The following SNX3 variants were observed in gnomAD, a reference collection of about 807,000 sequenced individuals.
SNX3 encodes sorting nexin-3.
A neutral mutation model predicts 17.7 loss-of-function variants in SNX3; 5 were observed. That is an observed-to-expected ratio of 0.28 (90% confidence interval 0.15 to 0.59). SNX3 has a LOEUF of 0.59. SNX3 is among the 20% of genes least tolerant of loss of function. The probability of loss-of-function intolerance (pLI) is 0.88; values close to 1 mark genes in which losing one functional copy is unlikely to be tolerated. For synonymous variants in SNX3, 91 were observed against 76.5 expected (o/e 1.19, Z -0.99); for missense variants, 132 against 206.8 (o/e 0.64, Z 2.22).
intron 1 of SNX3, among the ~76,000 whole-genome samples, chr6:108,235,666 T>C (rs1281633642): frequency 2.0e-5 from 3 of 152,016 alleles, no homozygotes; most frequent in African/African-American, 7.3e-5. Context: ...GATGCCGAGG[T>C]GGGTGAATCA....
chr6:108,230,046 A>G (rs1019058282), intron 1 of SNX3, among the ~76,000 whole-genome samples: 4 of 151,996 alleles, frequency 2.6e-5, no homozygotes, highest in African/African-American at 9.7e-5. Context: ...CTGCTTTGAA[A>G]TGTATGGACA....
rs199727762 is a variant in SNX3, at chr6:108,247,554, C to CA, written c.162+13205dup. Among the ~76,000 whole-genome samples the CA allele has an allele frequency of 6.8e-3, 1,019 of 149,346 alleles. 4 individuals are homozygous for CA. The highest frequency in any genetic ancestry group is 0.01 in the African/African-American group (418 of 40,764). ...AGATAATTAAAAAACAAAAAACAAACAAAAAAAAACAACGTTTAAGTCTCC... is the reference window on the plus strand; with the variant it reads ...AGATAATTAAAAAACAAAAAACAAACAAAAAAAAAACAACGTTTAAGTCTCC... On this transcript the variant is annotated intron_variant, in intron 1 of 3. Coordinates refer to ENST00000230085, the MANE Select transcript of SNX3 (RefSeq NM_003795.6).
chr6:108,223,446 G>A (rs947191124), intron 1 of SNX3, among the ~76,000 whole-genome samples: 1 of 143,088 alleles, frequency 7.0e-6, no homozygotes, highest in African/African-American at 2.7e-5. Context: ...CCGAAATCAT[G>A]ATGTTTTTAA....
intron 1 of SNX3, among the ~76,000 whole-genome samples, chr6:108,257,903 G>A (rs796485563): frequency 1.5e-4 from 23 of 152,174 alleles, no homozygotes; most frequent in African/African-American, 5.5e-4. Flanking sequence ...GGCAGAGGTT[G>A]CAGTGAGCCA....
chr6:108,219,159 G>A (rs1582470307), intron 2 of SNX3, among the ~76,000 whole-genome samples: 1 of 151,564 alleles, frequency 6.6e-6, no homozygotes, highest in Non-Finnish European at 1.5e-5. Flanking sequence ...AGACCGTCTT[G>A]CTAACACGGT....
At chr6:108,236,599 G>A (rs1440446180) in intron 1 of SNX3, among the ~76,000 whole-genome samples, 9 of 150,838 alleles carry the variant, frequency 6.0e-5, no homozygotes, top group East Asian at 5.8e-4. Flanking sequence ...TTTTTTAGCC[G>A]GGATGGTCTC....
At chr6:108,230,158 T>C (rs1451245203) in intron 1 of SNX3, among the ~76,000 whole-genome samples, 1 of 152,004 alleles carries the variant, frequency 6.6e-6, no homozygotes, top group Admixed American at 6.6e-5. Context: ...AATGCTGAAT[T>C]CTGAAATTAA....
intron 1 of SNX3, among the ~76,000 whole-genome samples, chr6:108,235,137 T>G (rs1259246077): frequency 6.6e-6 from 1 of 152,222 alleles, no homozygotes; most frequent in Non-Finnish European, 1.5e-5. Flanking sequence ...GGCTTGGCCA[T>G]GTGACTGCCT....
rs776893446 is a variant in SNX3, at chr6:108,222,327, TGA to T, written c.258+621_258+622del. On this transcript the variant is annotated intron_variant, in intron 2 of 3. Coordinates refer to ENST00000230085, the MANE Select transcript of SNX3 (RefSeq NM_003795.6). ...ATGTCATTCTGAGGCAGGGCTGAAA[TGA>T]GAGACACCAGAGTGAGACCTTGCTT... The T allele has an allele frequency of 9.2e-5, 120 of 1,303,858 alleles. 1 individual carries two copies. The highest frequency in any genetic ancestry group is 2.1e-4 in the South Asian group (17 of 81,030). 80.8% of individuals were successfully genotyped at this position (1,303,858 alleles called of 1,614,324 possible). A position where few individuals can be genotyped will look rare whatever the true frequency, so the allele number is the denominator to read the frequency against.
At chr6:108,242,979 G>T (rs756759712) in intron 1 of SNX3, among the ~76,000 whole-genome samples, 11 of 152,168 alleles carry the variant, frequency 7.2e-5, no homozygotes, top group East Asian at 1.9e-4. Context: ...AGGCAATTGT[G>T]AGACCCTGAG....
rs752829628 is a variant in SNX3 at position 108,260,862 on chromosome 6, G to A, written c.60C>T (p.Asp20=). The change falls in exon 1 of 4, where the codon GAC becomes GAT. Residue 20 remains aspartate (D), a synonymous_variant. Coordinates refer to ENST00000230085, the MANE Select transcript of SNX3 (RefSeq NM_003795.6). ...RLITKPQNLN[D]AYGPPSNFLE... Reference sequence around the variant, plus strand: ...GGAAGTTGCTGGGGGGTCCGTAGGCGTCATTCAGGTTCTGCGGCTTGGTGA... The same window carrying A: ...GGAAGTTGCTGGGGGGTCCGTAGGCATCATTCAGGTTCTGCGGCTTGGTGA... 2.5e-6 allele frequency: 4 copies of A among 1,612,756 alleles called. No individual in the cohort carries two copies. Among genetic ancestry groups the A allele is most frequent in the Non-Finnish European group, 3.4e-6 (4 of 1,179,428 alleles).
chr6:108,255,641 G>A (rs1047783798), intron 1 of SNX3, among the ~76,000 whole-genome samples: 2 of 152,086 alleles, frequency 1.3e-5, no homozygotes, highest in East Asian at 1.9e-4. Context: ...AGGAGCCACC[G>A]TGCCCGACCC....
intron 1 of SNX3, among the ~76,000 whole-genome samples, chr6:108,233,560 C>A (rs914659238): frequency 1.2e-4 from 18 of 152,086 alleles, no homozygotes; most frequent in Non-Finnish European, 2.6e-4. Flanking sequence ...ACCAGCCTGG[C>A]CAACACGGTG....
chr6:108,237,499 C>T (rs929162346), intron 1 of SNX3, among the ~76,000 whole-genome samples: 51 of 151,960 alleles, frequency 3.4e-4, no homozygotes, highest in African/African-American at 1.2e-3. Flanking sequence ...AAGAATCTAC[C>T]ATGAGGCCAG....
rs780700701 is a variant in SNX3, at chr6:108,222,330, G to A, written c.258+620C>T. 2.3e-6 allele frequency: 3 copies of A among 1,303,774 alleles called. No homozygotes were observed. In the African/African-American group the frequency reaches 4.6e-5, roughly 20 times the overall value. The allele number at this position is 1,303,774 out of a possible 1,614,324, so 80.8% of individuals were successfully genotyped here. ...TCATTCTGAGGCAGGGCTGAAATGA[G>A]AGACACCAGAGTGAGACCTTGCTTT... On this transcript the variant is annotated intron_variant, in intron 2 of 3. Coordinates refer to ENST00000230085, the MANE Select transcript of SNX3 (RefSeq NM_003795.6).
intron 1 of SNX3, among the ~76,000 whole-genome samples, chr6:108,241,310 C>T (rs748572006): frequency 1.7e-4 from 26 of 151,950 alleles, no homozygotes; most frequent in Non-Finnish European, 2.5e-4. Flanking sequence ...AAAGCTGGGG[C>T]GAACTTGTAA....
In SNX3 at chr6:108,248,590, G is replaced by C. The variant is rs149506348; in HGVS notation, c.162+12170C>G. Among the ~76,000 whole-genome samples, 831 of 152,274 alleles carry C rather than the reference G, an allele frequency of 5.5e-3. 5 individuals carry two copies. The highest frequency in any genetic ancestry group is 9.4e-3 in the Non-Finnish European group (638 of 68,006). On this transcript the variant is annotated intron_variant, in intron 1 of 3. Coordinates refer to ENST00000230085, the MANE Select transcript of SNX3 (RefSeq NM_003795.6). ...GAAAACTGAACAAATATCAATTATA[G>C]ATAAGAATCATGCTGAGGTCTAAAC... is the stretch of plus-strand genomic sequence containing the variant.
At chr6:108,241,652 T>A (rs570011304) in intron 1 of SNX3, among the ~76,000 whole-genome samples, 2 of 151,546 alleles carry the variant, frequency 1.3e-5, no homozygotes, top group Non-Finnish European at 2.9e-5. Context: ...CACCACCTCA[T>A]ACTACAGACT....
At chr6:108,251,582 C>T (rs1205720022) in intron 1 of SNX3, among the ~76,000 whole-genome samples, 2 of 152,158 alleles carry the variant, frequency 1.3e-5, no homozygotes, top group East Asian at 3.8e-4. Context: ...ATAGTCAAGC[C>T]ACAATACTAA....
Sources: gnomAD v4.1 joint callset for allele counts (sites outside exome capture counted in the v4.1 genomes callset) on GRCh38, gnomAD v4.1.1 for gene constraint, MANE v1.5 for transcripts, NCBI Gene and HGNC (gene_info 2026-07-23, HGNC 2026-07-21) for gene names.